The following BACH1 variants were observed in gnomAD, a reference collection of about 807,000 sequenced individuals.
BACH1 encodes the protein BTB domain and CNC homolog 1.
A neutral mutation model predicts 52.9 loss-of-function variants in BACH1; 35 were observed. That is an observed-to-expected ratio of 0.66 (90% CI 0.51 to 0.88). BACH1 has a LOEUF of 0.88. Ranked by LOEUF, BACH1 falls within the 40% of genes least tolerant of loss-of-function variation. The pLI is 0.00. For synonymous variants in BACH1, 321 were observed against 319.6 expected, an observed-to-expected ratio of 1.00 and a Z score of -0.05; for missense variants, 808 against 872.6, an observed-to-expected ratio of 0.93 and a Z score of 0.93.
intron 4 of BACH1, among the ~76,000 whole-genome samples, chr21:29,338,134 T>C (rs945532438): frequency 2.0e-5 from 3 of 152,180 alleles, no homozygotes; most frequent in Non-Finnish European, 2.9e-5. Context: ...GTGCGTTGTT[T>C]CTCTTAAAGT....
chr21:29,302,421 C>T (rs2088613650), intron 1 of BACH1, among the ~76,000 whole-genome samples: 1 of 152,186 alleles, frequency 6.6e-6, no homozygotes. Context: ...GGTTTGATCA[C>T]TGTACAGTTG....
chr21:29,317,771 T>C (rs915866912), intron 1 of BACH1, among the ~76,000 whole-genome samples: 8 of 152,150 alleles, frequency 5.3e-5, no homozygotes, highest in South Asian at 2.1e-4. Flanking sequence ...ACAGCTAATA[T>C]TATTTGTTGC....
At chr21:29,360,433 T>G (rs974520038) in intron 2 of BACH1, among the ~76,000 whole-genome samples, 7 of 152,098 alleles carry the variant, frequency 4.6e-5, no homozygotes, top group Non-Finnish European at 1.0e-4. Context: ...CACAATGAAC[T>G]CCCTCCCCAA....
At chr21:29,355,073 C>T (rs528972977) in intron 2 of BACH1, among the ~76,000 whole-genome samples, 2 of 152,212 alleles carry the variant, frequency 1.3e-5, no homozygotes, top group African/African-American at 2.4e-5. Flanking sequence ...GAGCGGGTTG[C>T]CCCTGCTGAC....
At chr21:29,347,292 G>A (rs913147854), downstream of BACH1, among the ~76,000 whole-genome samples, 3 of 152,134 alleles carry the variant, frequency 2.0e-5, no homozygotes, top group Non-Finnish European at 2.9e-5. Context: ...CACCTTGGAC[G>A]ACCCCAAAAG....
chr21:29,342,405 G>C lies in BACH1; in HGVS notation c.1783G>C (p.Glu595Gln). Residue 595 changes from glutamate to glutamine, a missense_variant, in exon 5 of 5, where the codon GAA becomes CAA. By Grantham distance (29) the Glu-to-Gln change is conservative. Transcript: ENST00000286800. The stretch of plus-strand genomic sequence containing the variant: ...CTCTTTCCCCACTTCACAGCAAAGT[G>C]AAAAGGAGAGCTTGTTGAAGGAAAG... ...LESEIEKLQS[E>Q]KESLLKERDH... The C allele has an allele frequency of 6.2e-7, 1 of 1,612,468 alleles. No homozygotes were observed. Among genetic ancestry groups the C allele is most frequent in the Non-Finnish European group, 8.5e-7 (1 of 1,178,998 alleles).
chr21:29,353,967 C>T (rs763416649), intron 2 of BACH1, among the ~76,000 whole-genome samples: 1 of 152,138 alleles, frequency 6.6e-6, no homozygotes. Flanking sequence ...TTCAACAGGG[C>T]TTCTGCCAGG....
At chr21:29,323,024 T>TTCTAA (rs2088866984) in intron 2 of BACH1, among the ~76,000 whole-genome samples, 1 of 66,644 alleles carries the variant, frequency 1.5e-5, no homozygotes, top group South Asian at 4.6e-4. Flanking sequence ...CATTCATTCT[T>TTCTAA]TCTAATGTGT....
intron 2 of BACH1, among the ~76,000 whole-genome samples, chr21:29,356,592 G>GT (rs1419560620): frequency 6.6e-6 from 1 of 152,200 alleles, no homozygotes; most frequent in Non-Finnish European, 1.5e-5. Flanking sequence ...CCTAGATCTG[G>GT]TCAGACCTTT....
At chr21:29,338,992 T>G (rs979014369) in intron 4 of BACH1, among the ~76,000 whole-genome samples, 2 of 152,316 alleles carry the variant, frequency 1.3e-5, no homozygotes, top group South Asian at 2.1e-4. Flanking sequence ...AGAGAGGTTG[T>G]CATTCGTTTT....
intron 3 of BACH1, among the ~76,000 whole-genome samples, chr21:29,328,625 C>T (rs1367544387): frequency 6.6e-6 from 1 of 152,106 alleles, no homozygotes; most frequent in African/African-American, 2.4e-5. Context: ...TAAGTATAAG[C>T]ACAATATTGT....
chr21:29,312,318 C>G (rs1442900871), intron 1 of BACH1, among the ~76,000 whole-genome samples: 1 of 152,162 alleles, frequency 6.6e-6, no homozygotes, highest in African/African-American at 2.4e-5. Context: ...AGTTGCTCAT[C>G]TTAGAAAATC....
Position 29,326,444 on chromosome 21 carries a change from A to T in BACH1, c.620A>T (p.Tyr207Phe). 1 of 1,614,222 alleles carries T rather than the reference A, an allele frequency of 6.2e-7. No homozygotes were observed. Among genetic ancestry groups the T allele is most frequent in the Non-Finnish European group, 8.5e-7 (1 of 1,180,042 alleles). Residue 207 changes from tyrosine to phenylalanine, a missense_variant, in exon 3 of 5, where the codon TAT (tyrosine) becomes TTT (phenylalanine). Tyr to Phe is a conservative substitution (Grantham distance 22). Coordinates refer to ENST00000286800, the MANE Select transcript of BACH1 (RefSeq NM_001186.4). ...CTACAAGACAGTGCCAGTCAGACAT[A>T]TGAGTCCATGTGCTTAGAGAAGGAT... ...PPLQDSASQT[Y>F]ESMCLEKDAA...
intron 2 of BACH1, among the ~76,000 whole-genome samples, chr21:29,351,246 T>G (rs888999572): frequency 6.6e-6 from 1 of 152,192 alleles, no homozygotes; most frequent in Non-Finnish European, 1.5e-5. Context: ...GATATGCAGG[T>G]TTCCCATGTG....
At chr21:29,334,398 G>T (rs914918672) in intron 4 of BACH1, among the ~76,000 whole-genome samples, 3 of 152,072 alleles carry the variant, frequency 2.0e-5, no homozygotes, top group African/African-American at 7.2e-5. Context: ...GCGCTCGGCC[G>T]ACTTTTAAAA....
rs1212052129 is a variant in BACH1, at chr21:29,342,812, T to C, written c.2190T>C (p.Asp730=). Residue 730 remains aspartate, a synonymous_variant, in exon 5 of 5, where the codon GAT becomes GAC. Transcript: ENST00000286800. ...GISDFCQQMT[D]KCTTDE ...CAGATTTCTGTCAGCAGATGACTGA[T>C]AAATGTACTACTGATGAGTAAACTT... 4.4e-6 allele frequency: 7 copies of C among 1,604,938 alleles called. No homozygotes were observed. The highest frequency in any genetic ancestry group is 6.0e-6 in the Non-Finnish European group (7 of 1,173,348).
intron 1 of BACH1, among the ~76,000 whole-genome samples, chr21:29,309,287 A>C (rs994289102): frequency 6.6e-6 from 1 of 151,910 alleles, no homozygotes; most frequent in African/African-American, 2.4e-5. Flanking sequence ...AGATTCACCA[A>C]ATATTGATTA....
At chr21:29,299,501 G>A (rs1418101422) in intron 1 of BACH1, 1 of 152,342 alleles carries the variant, frequency 6.6e-6, no homozygotes, top group African/African-American at 2.4e-5. Context: ...ACCGTGCTGA[G>A]CTGGATTTAG....
downstream of BACH1, among the ~76,000 whole-genome samples, chr21:29,348,893 G>T (rs947726340): frequency 6.6e-6 from 1 of 152,070 alleles, no homozygotes; most frequent in African/African-American, 2.4e-5. Context: ...AGGAGATTGA[G>T]ACCATCCTGG....
Sources: allele counts gnomAD v4.1 joint callset (sites outside exome capture counted in the v4.1 genomes callset), GRCh38; gene constraint gnomAD v4.1.1; transcripts MANE v1.5; gene names NCBI Gene and HGNC (gene_info 2026-07-23, HGNC 2026-07-21).